Variants in SPESP1 observed in about 807,000 individuals in gnomAD.
SPESP1 encodes equatorial segment protein.
In SPESP1, 1 loss-of-function variant was observed where a neutral mutation model predicts 3.1. The ratio of observed to expected loss-of-function variants is 0.33; its 90% confidence interval spans 0.12 to 1.54. SPESP1 has a LOEUF of 1.54. Among genes scored for constraint, SPESP1 ranks in the 40% most tolerant of loss-of-function variants. The pLI is 0.38. For missense variants in SPESP1, 398 were observed against 410.1 expected (o/e 0.97, Z 0.26); for synonymous variants, 138 against 150.7 (o/e 0.92, Z 0.62).
intron 1 of SPESP1, among the ~76,000 whole-genome samples, chr15:68,940,317 G>C (rs565782561): frequency 6.6e-6 from 1 of 151,978 alleles, no homozygotes; most frequent in South Asian, 2.1e-4. Context: ...ATGTAGAAGC[G>C]AATTCTAGAC....
intron 1 of SPESP1, among the ~76,000 whole-genome samples, chr15:68,942,199 T>A (rs1895844118): frequency 6.8e-6 from 1 of 146,730 alleles, no homozygotes. Flanking sequence ...AGTCTCGCTC[T>A]GTCGCCCAGG....
chr15:68,944,693 T>C (rs1895914125), intron 1 of SPESP1, among the ~76,000 whole-genome samples: 1 of 152,160 alleles, frequency 6.6e-6, no homozygotes, highest in Non-Finnish European at 1.5e-5. Context: ...CCATGTGGTC[T>C]CTTACAATTA....
At chr15:68,935,018 A>T (rs1219294288) in intron 1 of SPESP1, among the ~76,000 whole-genome samples, 1 of 152,170 alleles carries the variant, frequency 6.6e-6, no homozygotes, top group Admixed American at 6.5e-5. Flanking sequence ...AATGGAATTA[A>T]CTGTCTTTCC....
At position 68,930,756 on chromosome 15, in the gene SPESP1, C is replaced by T. The variant is rs774767641; in HGVS notation, c.64+39C>T. ...CTGAGGAGGCAGCGGACCGGGGACA[C>T]CCTGGGGGAACTTCCCGAGCTCCGC... On this transcript the variant is annotated intron_variant, in intron 1 of 1. Transcript: ENST00000310673. 6.2e-6 allele frequency: 10 copies of T among 1,613,094 alleles called. No individual in the cohort carries two copies. In the East Asian group the frequency reaches 1.8e-4, roughly 29 times the overall value.
chr15:68,942,938 C>T (rs1449194101), intron 1 of SPESP1, among the ~76,000 whole-genome samples: 1 of 125,954 alleles, frequency 7.9e-6, no homozygotes, highest in East Asian at 2.2e-4. Flanking sequence ...TATGAGTTTA[C>T]ATAAATAAGT....
At chr15:68,935,658 A>G (rs76553367) in intron 1 of SPESP1, among the ~76,000 whole-genome samples, 3,859 of 152,392 alleles carry the variant, frequency 0.025, 71 homozygotes, top group Non-Finnish European at 0.041. Flanking sequence ...CATGAATAGC[A>G]GGAAGTGTAA....
intron 1 of SPESP1, among the ~76,000 whole-genome samples, chr15:68,931,370 A>G (rs1039106498): frequency 1.3e-5 from 2 of 151,890 alleles, no homozygotes; most frequent in Non-Finnish European, 2.9e-5. Flanking sequence ...ATAAAGTTTT[A>G]CTGGCACACC....
At chr15:68,934,892 C>T (rs993422723) in intron 1 of SPESP1, among the ~76,000 whole-genome samples, 5 of 151,906 alleles carry the variant, frequency 3.3e-5, no homozygotes, top group African/African-American at 7.3e-5. Context: ...TGTAAGCTGT[C>T]TTCTCTTGTT....
intron 1 of SPESP1, among the ~76,000 whole-genome samples, chr15:68,939,452 A>T (rs1895761928): frequency 6.6e-6 from 1 of 152,224 alleles, no homozygotes; most frequent in Non-Finnish European, 1.5e-5. Context: ...AGCCATCTGT[A>T]GGGACAGTTG....
At chr15:68,933,701 A>G (rs1895611190) in intron 1 of SPESP1, among the ~76,000 whole-genome samples, 1 of 152,082 alleles carries the variant, frequency 6.6e-6, no homozygotes, top group South Asian at 2.1e-4. Flanking sequence ...TTTACAAAAA[A>G]TACAAAAATT....
Position 68,930,565 on chromosome 15 carries a change from G to A in SPESP1, c.-89G>A, listed in dbSNP as rs1017174512. 2 of 1,554,462 alleles carry A rather than the reference G, an allele frequency of 1.3e-6. No homozygotes were observed. The highest frequency in any genetic ancestry group is 1.4e-5 in the African/African-American group (1 of 73,442). ...AGGGCCTGAGGCAGGACGGTACTCC[G>A]CTGACACCTTCCCTTTCGGCCTTGA... On this transcript the variant is annotated 5_prime_UTR_variant, in exon 1 of 2. Transcript: ENST00000310673.
chr15:68,930,687 C>T lies in SPESP1; in HGVS notation c.34C>T (p.Leu12=), dbSNP rs1895506927. 6.2e-7 allele frequency: 1 copy of T among 1,613,924 alleles called. No homozygotes were observed. The highest frequency in any genetic ancestry group is 1.7e-5 in the Admixed American group (1 of 60,008). Residue 12 remains leucine, a synonymous_variant, in exon 1 of 2, where the codon CTA becomes TTA. Coordinates refer to ENST00000310673, the MANE Select transcript of SPESP1 (RefSeq NM_145658.4). ...KPLVLLVALL[L]WPSSVPAYPS... Reference sequence around the variant, plus strand: ...CTTAGTCCTTCTAGTTGCGCTTTTGCTATGGCCTTCGTCTGTGCCGGCTTA... The same window carrying T: ...CTTAGTCCTTCTAGTTGCGCTTTTGTTATGGCCTTCGTCTGTGCCGGCTTA...
chr15:68,946,098 T>C lies in SPESP1; in HGVS notation c.564T>C (p.Thr188=). 1.9e-6 allele frequency: 3 copies of C among 1,614,208 alleles called. No homozygotes were observed. Residue 188 remains threonine, a synonymous_variant, in exon 2 of 2, where the codon ACT becomes ACC. Coordinates refer to ENST00000310673, the MANE Select transcript of SPESP1 (RefSeq NM_145658.4). ...KSPVTTLDKS[T]GIGISTESED... ...CTGTCACCACTTTAGATAAGAGCAC[T>C]GGCATTGGGATCTCTACAGAATCAG...
intron 1 of SPESP1, among the ~76,000 whole-genome samples, chr15:68,941,206 A>G (rs1278544789): frequency 1.3e-5 from 2 of 152,228 alleles, no homozygotes; most frequent in Non-Finnish European, 2.9e-5. Context: ...TATTAAATGT[A>G]TAAATTAAAA....
intron 1 of SPESP1, among the ~76,000 whole-genome samples, chr15:68,943,696 T>C (rs1279439834): frequency 6.6e-6 from 1 of 152,138 alleles, no homozygotes; most frequent in Non-Finnish European, 1.5e-5. Context: ...TCAAAACCAA[T>C]CTATTCTGGC....
Position 68,945,783 on chromosome 15 carries a change from T to C in SPESP1, c.249T>C (p.Ala83=). 2 of 1,614,004 alleles carry C rather than the reference T, an allele frequency of 1.2e-6. No individual in the cohort carries two copies. Among genetic ancestry groups the C allele is most frequent in the Non-Finnish European group, 1.7e-6 (2 of 1,179,970 alleles). Reference sequence around the variant, plus strand: ...AGGAGCTAGTTACACATGGAGACGCTTCAACTGAGAATGATGTTTTAACCA... The same window carrying C: ...AGGAGCTAGTTACACATGGAGACGCCTCAACTGAGAATGATGTTTTAACCA... ...KFKELVTHGD[A]STENDVLTNP... Residue 83 remains alanine (A), a synonymous_variant, in exon 2 of 2, where the codon GCT becomes GCC. Transcript: ENST00000310673.
chr15:68,946,688 CAA>C lies in SPESP1; in HGVS notation c.*104_*105del, dbSNP rs908682981. 8.0e-7 allele frequency: 1 copy of C among 1,252,532 alleles called. No homozygotes were observed. Among genetic ancestry groups the C allele is most frequent in the Admixed American group, 3.7e-5 (1 of 27,202 alleles). 77.6% of individuals were successfully genotyped at this position (1,252,532 alleles called of 1,614,324 possible). A position where few individuals can be genotyped will look rare whatever the true frequency, so the allele number is the denominator to read the frequency against. ...GGAGAAATAATCATATTCGTAATTTCAAAAGTTGTATAAAAATATTTTCTATT... is the reference window on the plus strand; with the variant it reads ...GGAGAAATAATCATATTCGTAATTTCAAGTTGTATAAAAATATTTTCTATT... On this transcript the variant is annotated 3_prime_UTR_variant, in exon 2 of 2. Transcript: ENST00000310673.
intron 1 of SPESP1, among the ~76,000 whole-genome samples, chr15:68,935,623 A>G (rs773450102): frequency 1.1e-4 from 16 of 152,270 alleles, no homozygotes; most frequent in African/African-American, 2.4e-4. Context: ...GCCCATATCC[A>G]ATGTCAGAAG....
In SPESP1 at chr15:68,930,740, C is replaced by T. The variant is rs779548907; in HGVS notation, c.64+23C>T. 3.1e-6 allele frequency: 5 copies of T among 1,613,614 alleles called. No homozygotes were observed. In the East Asian group the frequency reaches 8.9e-5, roughly 29 times the overall value. On this transcript the variant is annotated intron_variant, in intron 1 of 1. Coordinates refer to ENST00000310673, the MANE Select transcript of SPESP1 (RefSeq NM_145658.4). Reference sequence around the variant, plus strand: ...CGAGTGAGTGACGGGCCTGAGGAGGCAGCGGACCGGGGACACCCTGGGGGA... The same window carrying T: ...CGAGTGAGTGACGGGCCTGAGGAGGTAGCGGACCGGGGACACCCTGGGGGA...
Sources: gnomAD v4.1 joint callset for allele counts (sites outside exome capture counted in the v4.1 genomes callset) on GRCh38, gnomAD v4.1.1 for gene constraint, MANE v1.5 for transcripts, NCBI Gene and HGNC (gene_info 2026-07-23, HGNC 2026-07-21) for gene names.